Variants in SLC24A3 observed in about 807,000 individuals in gnomAD.
The protein encoded by SLC24A3 is solute carrier family 24 member 3.
A neutral mutation model predicts 75.8 loss-of-function variants in SLC24A3; 28 were observed. That is an observed-to-expected ratio of 0.37 (90% CI 0.27 to 0.51). SLC24A3 has a LOEUF of 0.51. Ranked by LOEUF, SLC24A3 falls within the 20% of genes least tolerant of loss-of-function variation. The pLI is 0.94. For missense variants in SLC24A3, 663 were observed against 847.8 expected (o/e 0.78, Z 2.71); for synonymous variants, 372 against 334.1 (o/e 1.11, Z -1.24).
rs566571058 is a variant in SLC24A3, at chr20:19,449,093, A to C, written c.272-66395A>C. Among the ~76,000 whole-genome samples, 12 of 152,340 alleles carry C rather than the reference A, an allele frequency of 7.9e-5. No homozygotes were observed. The South Asian group carries it at 2.3e-3, about 29-fold the overall frequency. ...AGTGGGCAGGGAGAGGGAGGCAGGAAATGGGAAGGGCCCATCAAGGGGCAA... is the reference window on the plus strand; with the variant it reads ...AGTGGGCAGGGAGAGGGAGGCAGGACATGGGAAGGGCCCATCAAGGGGCAA... On this transcript the variant is annotated intron_variant, in intron 2 of 16. Coordinates refer to ENST00000328041, the MANE Select transcript of SLC24A3 (RefSeq NM_020689.4).
intron 3 of SLC24A3, among the ~76,000 whole-genome samples, chr20:19,564,112 C>A (rs2030919530): frequency 6.6e-6 from 1 of 152,182 alleles, no homozygotes; most frequent in South Asian, 2.1e-4. Flanking sequence ...GCAAACAGGA[C>A]CTCTAGCCAG....
intron 2 of SLC24A3, among the ~76,000 whole-genome samples, chr20:19,463,803 C>T (rs1193670802): frequency 6.6e-6 from 1 of 152,172 alleles, no homozygotes; most frequent in Admixed American, 6.5e-5. Flanking sequence ...TAAAGGGCTC[C>T]CCCTGGCTAG....
Position 19,654,049 on chromosome 20 carries a change from C to A in SLC24A3, c.613-13C>A, listed in dbSNP as rs776189574. 5 of 1,608,146 alleles carry A rather than the reference C, an allele frequency of 3.1e-6. No individual in the cohort carries two copies. The Admixed American group carries it at 6.7e-5, about 21-fold the overall frequency. On this transcript the variant is annotated splice_polypyrimidine_tract_variant and intron_variant, in intron 6 of 16. Transcript: ENST00000328041. ...TCTATATCCTGTTTGACTTTGTTTC[C>A]CTTGTCCTGCAGGTTGTGGCTCTTT... is the stretch of plus-strand genomic sequence containing the variant.
chr20:19,454,162 C>A (rs1171064045), intron 2 of SLC24A3, among the ~76,000 whole-genome samples: 1 of 152,134 alleles, frequency 6.6e-6, no homozygotes, highest in African/African-American at 2.4e-5. Flanking sequence ...ATTTATGGCC[C>A]ATGGTGTGGG....
intron 2 of SLC24A3, among the ~76,000 whole-genome samples, chr20:19,461,344 G>GA (rs1248626187): frequency 1.3e-4 from 19 of 151,802 alleles, no homozygotes; most frequent in Admixed American, 3.3e-4. Flanking sequence ...AAAAGAAAAA[G>GA]AAAAATATAT....
intron 2 of SLC24A3, among the ~76,000 whole-genome samples, chr20:19,293,809 C>T (rs951270899): frequency 2.8e-4 from 42 of 152,044 alleles, no homozygotes; most frequent in African/African-American, 9.4e-4. Context: ...TGCCACAATT[C>T]GATGTGCTGT....
At chr20:19,218,644 T>C (rs529780367) in intron 1 of SLC24A3, among the ~76,000 whole-genome samples, 10 of 152,292 alleles carry the variant, frequency 6.6e-5, no homozygotes, top group Non-Finnish European at 1.5e-4. Context: ...TCAACCCAGA[T>C]TTTTCTCAAA....
At chr20:19,693,211 CTTTG>C in intron 12 of SLC24A3, 44 bp from the exon 13 acceptor site, 1 of 1,556,668 alleles carries the variant, frequency 6.4e-7, no homozygotes, top group East Asian at 2.3e-5. Context: ...AACTGGGGTT[CTTTG>C]TTATTTTTTT....
chr20:19,359,137 G>T (rs6035306), intron 2 of SLC24A3, among the ~76,000 whole-genome samples: 55,060 of 151,980 alleles, frequency 0.36, 10,400 homozygotes, highest in Middle Eastern at 0.53. Context: ...TATATTCCCA[G>T]GAGTGGAACT....
chr20:19,717,015 T>C (rs1157271667), intron 15 of SLC24A3, among the ~76,000 whole-genome samples: 1 of 152,240 alleles, frequency 6.6e-6, no homozygotes, highest in Non-Finnish European at 1.5e-5. Flanking sequence ...TTTTGTTTGC[T>C]CACAACAGCA....
intron 6 of SLC24A3, among the ~76,000 whole-genome samples, chr20:19,627,863 T>C (rs1464385632): frequency 2.0e-5 from 3 of 151,828 alleles, no homozygotes; most frequent in African/African-American, 7.3e-5. Flanking sequence ...AGGAGCAAAT[T>C]TGAAGTAATT....
At chr20:19,338,893 G>A (rs928817289) in intron 2 of SLC24A3, among the ~76,000 whole-genome samples, 5 of 152,146 alleles carry the variant, frequency 3.3e-5, no homozygotes, top group Non-Finnish European at 7.4e-5. Context: ...CATATATGAC[G>A]AGTTTCACCT....
At chr20:19,708,291 C>T (rs2032950801) in intron 15 of SLC24A3, among the ~76,000 whole-genome samples, 1 of 152,138 alleles carries the variant, frequency 6.6e-6, no homozygotes, top group Non-Finnish European at 1.5e-5. Context: ...CCCTTAACTC[C>T]CTGAGGGCAG....
chr20:19,274,034 C>T (rs1221653017), intron 1 of SLC24A3, among the ~76,000 whole-genome samples: 1 of 150,996 alleles, frequency 6.6e-6, no homozygotes, highest in Non-Finnish European at 1.5e-5. Flanking sequence ...CTAGGGTTGC[C>T]TTCTCCCCTC....
At chr20:19,340,645 A>T (rs755327201) in intron 2 of SLC24A3, among the ~76,000 whole-genome samples, 1 of 152,150 alleles carries the variant, frequency 6.6e-6, no homozygotes, top group Non-Finnish European at 1.5e-5. Context: ...AAATTTGGGG[A>T]TCAGGCATTC....
At chr20:19,624,149 T>C (rs1333364815) in intron 6 of SLC24A3, among the ~76,000 whole-genome samples, 1 of 152,220 alleles carries the variant, frequency 6.6e-6, no homozygotes, top group African/African-American at 2.4e-5. Context: ...TGTTTTCAAG[T>C]ATTTTACCTG....
intron 3 of SLC24A3, among the ~76,000 whole-genome samples, chr20:19,552,901 C>T (rs1568653954): frequency 6.6e-6 from 1 of 152,070 alleles, no homozygotes; most frequent in Non-Finnish European, 1.5e-5. Context: ...GAGGGGGCCA[C>T]GATCTGTAAA....
intron 2 of SLC24A3, among the ~76,000 whole-genome samples, chr20:19,477,752 TG>T (rs1381687848): frequency 6.6e-6 from 1 of 152,180 alleles, no homozygotes; most frequent in African/African-American, 2.4e-5. Flanking sequence ...CTTGCTCCTC[TG>T]ACAATTTCTC....
At chr20:19,278,278 T>C (rs77730413) in intron 1 of SLC24A3, among the ~76,000 whole-genome samples, 3,411 of 152,308 alleles carry the variant, frequency 0.022, 143 homozygotes, top group African/African-American at 0.077. Context: ...CCCCCAAAGC[T>C]ATCCAGAGAG....
Sources: allele counts gnomAD v4.1 joint callset (sites outside exome capture counted in the v4.1 genomes callset), GRCh38; gene constraint gnomAD v4.1.1; transcripts MANE v1.5; gene names NCBI Gene and HGNC (gene_info 2026-07-23, HGNC 2026-07-21).